TNKS: variants seen among roughly 807,000 people sequenced by gnomAD.
TNKS encodes tankyrase.
In TNKS, 72 loss-of-function variants were observed where a neutral mutation model predicts 135.8. That is an observed-to-expected ratio of 0.53 (90% CI 0.44 to 0.64). TNKS has a LOEUF of 0.64. Ranked by LOEUF, TNKS falls within the 30% of genes least tolerant of loss-of-function variation. TNKS has a pLI of 0.00. For synonymous variants in TNKS, 849 were observed against 649.3 expected (o/e 1.31, Z -4.68); for missense variants, 1,769 against 1,674.0 (o/e 1.06, Z -0.99).
At chr8:9,622,178 A>G (rs904310141) in intron 3 of TNKS, among the ~76,000 whole-genome samples, 1 of 152,220 alleles carries the variant, frequency 6.6e-6, no homozygotes, top group African/African-American at 2.4e-5. Context: ...AAAAAAGATT[A>G]TATCTGACGT....
intron 1 of TNKS, among the ~76,000 whole-genome samples, chr8:9,571,866 T>C (rs936115939): frequency 6.6e-6 from 1 of 152,216 alleles, no homozygotes; most frequent in African/African-American, 2.4e-5. Context: ...CACCTCTTGA[T>C]TTACTGTGCC....
chr8:9,560,493 C>CTCTTTTTTTTTTTT (rs1797281030), intron 1 of TNKS, among the ~76,000 whole-genome samples: 2 of 42,286 alleles, frequency 4.7e-5, no homozygotes, highest in African/African-American at 2.4e-4. Flanking sequence ...CCATACTTGT[C>CTCTTTTTTTTTTTT]TTTTTTTTTT....
intron 2 of TNKS, among the ~76,000 whole-genome samples, chr8:9,599,744 T>A (rs1425384399): frequency 1.3e-5 from 2 of 151,162 alleles, no homozygotes; most frequent in African/African-American, 2.4e-5. Flanking sequence ...TATGTATATG[T>A]ACAGAATAAT....
rs950288179 is a variant in TNKS at position 9,770,091 on chromosome 8, T to C, written c.3741-15T>C. On this transcript the variant is annotated splice_polypyrimidine_tract_variant and intron_variant, in intron 25 of 26. Coordinates refer to ENST00000310430, the MANE Select transcript of TNKS (RefSeq NM_003747.3). ...AAAGCTTCCTTCAAAGCATTGTTTTTTTCTTTTTCCTTAGACAAATGCTCT... is the reference window on the plus strand; with the variant it reads ...AAAGCTTCCTTCAAAGCATTGTTTTCTTCTTTTTCCTTAGACAAATGCTCT... 15 of 1,583,704 alleles carry C rather than the reference T, an allele frequency of 9.5e-6. No homozygotes were observed. In the East Asian group the frequency reaches 1.4e-4, roughly 14 times the overall value.
At chr8:9,650,043 C>T (rs1585276929) in intron 3 of TNKS, among the ~76,000 whole-genome samples, 1 of 151,834 alleles carries the variant, frequency 6.6e-6, no homozygotes, top group Admixed American at 6.6e-5. Flanking sequence ...CAGGCATGTG[C>T]CACCATGCCT....
At chr8:9,618,820 C>G (rs992957454) in intron 3 of TNKS, among the ~76,000 whole-genome samples, 1 of 152,120 alleles carries the variant, frequency 6.6e-6, no homozygotes, top group Non-Finnish European at 1.5e-5. Context: ...TTATTTATAA[C>G]CTTTTCTTCT....
chr8:9,730,558 T>C (rs1805384752), intron 13 of TNKS, among the ~76,000 whole-genome samples: 1 of 152,170 alleles, frequency 6.6e-6, no homozygotes. Context: ...GTAGAGCATA[T>C]CTCAGGGAGG....
chr8:9,770,298 C>G lies in TNKS; in HGVS notation c.3897+36C>G, dbSNP rs780734300. 8.2e-6 allele frequency: 13 copies of G among 1,584,314 alleles called. 1 individual carries two copies. The Admixed American group carries it at 1.7e-4, about 21-fold the overall frequency. On this transcript the variant is annotated intron_variant, in intron 26 of 26. Coordinates refer to ENST00000310430, the MANE Select transcript of TNKS (RefSeq NM_003747.3). ...CATCAAACAAGCATAACCAAGTTCA[C>G]AAACATGTCAATAGAGCACAGAGAC...
At chr8:9,636,523 T>C (rs535918668) in intron 3 of TNKS, among the ~76,000 whole-genome samples, 6 of 152,300 alleles carry the variant, frequency 3.9e-5, no homozygotes, top group African/African-American at 1.4e-4. Flanking sequence ...ATGTCTTTTT[T>C]TCTATGAATA....
chr8:9,704,707 A>G lies in TNKS; in HGVS notation c.1152A>G (p.Ile384Met), dbSNP rs1803967917. ...HLAAGYNRVR[I>M]VQLLLQHGAD... ...CAGCGGGCTACAACAGAGTTCGAATAGTTCAGCTTCTTCTTCAGCATGGTG... is the reference window on the plus strand; with the variant it reads ...CAGCGGGCTACAACAGAGTTCGAATGGTTCAGCTTCTTCTTCAGCATGGTG... Residue 384 changes from isoleucine (I) to methionine (M), a missense_variant, in exon 6 of 27, where the codon ATA becomes ATG. Transcript: ENST00000310430. 6.2e-7 allele frequency: 1 copy of G among 1,613,622 alleles called. No homozygotes were observed.
intron 2 of TNKS, among the ~76,000 whole-genome samples, chr8:9,601,751 C>T (rs563955878): frequency 5.9e-5 from 9 of 152,180 alleles, no homozygotes; most frequent in East Asian, 1.9e-4. Context: ...TATTTATAGA[C>T]CACAGCACCT....
chr8:9,712,434 C>G (rs970777851), intron 11 of TNKS, among the ~76,000 whole-genome samples: 1 of 151,972 alleles, frequency 6.6e-6, no homozygotes, highest in African/African-American at 2.4e-5. Flanking sequence ...GAGGTATGAT[C>G]ATACCACTGT....
At chr8:9,680,860 G>C (rs1327097909) in intron 5 of TNKS, 60 bp downstream of exon 5, 7 of 1,297,456 alleles carry the variant, frequency 5.4e-6, no homozygotes, top group Non-Finnish European at 7.8e-6. Context: ...TGTGAATGTG[G>C]CATATATATA....
chr8:9,758,651 T>C (rs1473347524), intron 20 of TNKS, among the ~76,000 whole-genome samples: 4 of 152,164 alleles, frequency 2.6e-5, no homozygotes, highest in African/African-American at 9.7e-5. Context: ...GTCCAACAGG[T>C]CTGCAGTCTC....
In TNKS at chr8:9,776,737, T is replaced by C; in HGVS notation, c.*1T>C. ...AACAGCCGCAGAGCAGAAGACCTAG[T>C]GAATGCCTGCTGGTGAAGGCCAGAT... On this transcript the variant is annotated 3_prime_UTR_variant, in exon 27 of 27. Transcript: ENST00000310430. The C allele has an allele frequency of 6.2e-7, 1 of 1,613,880 alleles. No individual in the cohort carries two copies. Among genetic ancestry groups the C allele is most frequent in the Non-Finnish European group, 8.5e-7 (1 of 1,179,844 alleles).
rs148726951 is a variant in TNKS, at chr8:9,685,775, G to A, written c.1107+4975G>A. Among the ~76,000 whole-genome samples, 1,025 of 152,192 alleles carry A rather than the reference G, an allele frequency of 6.7e-3. 8 individuals are homozygous for A. The highest frequency in any genetic ancestry group is 0.02 in the Middle Eastern group (6 of 294). On this transcript the variant is annotated intron_variant, in intron 5 of 26. Coordinates refer to ENST00000310430, the MANE Select transcript of TNKS (RefSeq NM_003747.3). ...GAGATATATGCCCATTTTTAAACAC[G>A]TGTTGATTAAAAATTAATATCTGGC...
chr8:9,643,164 G>T (rs1005951473), intron 3 of TNKS, among the ~76,000 whole-genome samples: 2 of 146,046 alleles, frequency 1.4e-5, no homozygotes, highest in South Asian at 4.4e-4. Flanking sequence ...TAAGAACTTC[G>T]GCAGTGCCAC....
intron 1 of TNKS, chr8:9,556,868 T>C (rs1284806951): frequency 1.9e-5 from 11 of 578,442 alleles, no homozygotes; most frequent in Non-Finnish European, 2.5e-5. Context: ...TAGTTGGTAG[T>C]CTCTGCATAT....
chr8:9,657,999 G>C (rs1801496872), intron 3 of TNKS, among the ~76,000 whole-genome samples: 1 of 74,552 alleles, frequency 1.3e-5, no homozygotes, highest in Non-Finnish European at 2.8e-5. Context: ...TCACATCCCA[G>C]ATGGGGCGGC....
Sources: allele counts gnomAD v4.1 joint callset (sites outside exome capture counted in the v4.1 genomes callset), GRCh38; gene constraint gnomAD v4.1.1; transcripts MANE v1.5; gene names NCBI Gene and HGNC (gene_info 2026-07-23, HGNC 2026-07-21).